The following CRIM1 variants were observed in gnomAD, a reference collection of about 807,000 sequenced individuals.
The protein encoded by CRIM1 is cysteine rich transmembrane BMP regulator 1.
A neutral mutation model predicts 116.4 loss-of-function variants in CRIM1; 32 were observed. The ratio of observed to expected loss-of-function variants is 0.27; its 90% CI spans 0.21 to 0.37. The LOEUF is 0.37. Among genes scored for constraint, CRIM1 ranks in the 10% least tolerant of loss-of-function variants. The pLI is 1.00. For missense variants in CRIM1, 1,331 were observed against 1,354.8 expected, an observed-to-expected ratio of 0.98 and a Z score of 0.28; for synonymous variants, 590 against 509.2, an observed-to-expected ratio of 1.16 and a Z score of -2.13.
At chr2:36,391,886 T>G (rs1037462467) in intron 1 of CRIM1, among the ~76,000 whole-genome samples, 24 of 152,156 alleles carry the variant, frequency 1.6e-4, no homozygotes, top group Non-Finnish European at 3.2e-4. Context: ...AGTTACTGTA[T>G]TCACCGTGTA....
At chr2:36,542,122 T>A (rs1666986529) in intron 14 of CRIM1, among the ~76,000 whole-genome samples, 1 of 152,106 alleles carries the variant, frequency 6.6e-6, no homozygotes, top group South Asian at 2.1e-4. Flanking sequence ...AGAGCTGAAC[T>A]GAGTGGTGGA....
chr2:36,461,780 T>A lies in CRIM1; in HGVS notation c.870-2754T>A, dbSNP rs535125596. 1.8e-4 allele frequency among the ~76,000 whole-genome samples: 28 copies of A among 152,350 alleles called. 2 individuals are homozygous for A. The South Asian group carries it at 4.1e-3, about 23-fold the overall frequency. ...AACATACCTGTTAAAAGATAACTCA[T>A]GTGAGTTGTATTATGTTGAAAATAA... On this transcript the variant is annotated intron_variant, in intron 4 of 16. Transcript: ENST00000280527.
At chr2:36,400,883 C>T (rs186574576) in intron 2 of CRIM1, among the ~76,000 whole-genome samples, 2 of 151,992 alleles carry the variant, frequency 1.3e-5, no homozygotes, top group African/African-American at 2.4e-5. Flanking sequence ...GACTTGCTCT[C>T]GAATCTCTTA....
intron 4 of CRIM1, among the ~76,000 whole-genome samples, chr2:36,460,193 CATTAT>C (rs1677471777): frequency 6.6e-6 from 1 of 151,960 alleles, no homozygotes; most frequent in South Asian, 2.1e-4. Flanking sequence ...CTCGATTGAT[CATTAT>C]ATTAACTCTA....
chr2:36,444,639 C>T, intron 4 of CRIM1, among the ~76,000 whole-genome samples: 1 of 152,238 alleles, frequency 6.6e-6, no homozygotes, highest in African/African-American at 2.4e-5. Flanking sequence ...AGTCATTCAA[C>T]ATCCCACTGT....
chr2:36,392,858 C>A (rs563705691), intron 1 of CRIM1, among the ~76,000 whole-genome samples: 19 of 152,204 alleles, frequency 1.2e-4, no homozygotes, highest in South Asian at 6.2e-4. Flanking sequence ...AAAGTGTCTA[C>A]GATGTTGTTA....
intron 5 of CRIM1, among the ~76,000 whole-genome samples, chr2:36,474,063 T>C (rs747898368): frequency 2.6e-5 from 4 of 152,318 alleles, no homozygotes; most frequent in Middle Eastern, 6.8e-3. Context: ...ATGGTGTTCA[T>C]TGCAGCTTAG....
At chr2:36,479,815 G>A in intron 7 of CRIM1, 121 bp downstream of exon 7, 1 of 930,514 alleles carries the variant, frequency 1.1e-6, no homozygotes, top group Non-Finnish European at 1.7e-6. Flanking sequence ...GCTGTTACCA[G>A]TTGCCAACAA....
intron 1 of CRIM1, among the ~76,000 whole-genome samples, chr2:36,380,725 C>CA (rs1670682179): frequency 6.6e-6 from 1 of 152,054 alleles, no homozygotes; most frequent in South Asian, 2.1e-4. Context: ...GTTCGTTAGC[C>CA]AAAAAATCAT....
intron 2 of CRIM1, among the ~76,000 whole-genome samples, chr2:36,402,807 C>T (rs1672517552): frequency 6.6e-6 from 1 of 151,256 alleles, no homozygotes; most frequent in Admixed American, 6.6e-5. Context: ...GAGTACTCTT[C>T]GATGTGGAGT....
At chr2:36,416,489 A>G (rs970640276) in intron 2 of CRIM1, among the ~76,000 whole-genome samples, 4 of 152,220 alleles carry the variant, frequency 2.6e-5, no homozygotes, top group Non-Finnish European at 4.4e-5. Context: ...ATCTGTAAGT[A>G]TAAAACACAT....
At chr2:36,393,755 C>T (rs1252970480) in intron 1 of CRIM1, among the ~76,000 whole-genome samples, 1 of 152,100 alleles carries the variant, frequency 6.6e-6, no homozygotes, top group East Asian at 1.9e-4. Flanking sequence ...TCCAGGTGGA[C>T]GACACTCCCG....
intron 4 of CRIM1, among the ~76,000 whole-genome samples, chr2:36,456,333 A>G (rs1046355851): frequency 1.3e-5 from 2 of 152,218 alleles, no homozygotes; most frequent in Non-Finnish European, 2.9e-5. Context: ...TTACGTGTTC[A>G]TAAACAAGCT....
At chr2:36,365,725 A>G (rs1314249257) in intron 1 of CRIM1, among the ~76,000 whole-genome samples, 2 of 148,478 alleles carry the variant, frequency 1.3e-5, no homozygotes, top group Non-Finnish European at 3.0e-5. Context: ...AGAACTATGA[A>G]CTATGTTTGT....
chr2:36,414,055 A>T (rs1185099354), intron 2 of CRIM1, among the ~76,000 whole-genome samples: 1 of 152,160 alleles, frequency 6.6e-6, no homozygotes, highest in Non-Finnish European at 1.5e-5. Flanking sequence ...TTCTCCTGAG[A>T]CTGAATAATA....
intron 4 of CRIM1, among the ~76,000 whole-genome samples, chr2:36,460,687 T>G (rs1677513561): frequency 6.6e-6 from 1 of 152,222 alleles, no homozygotes; most frequent in South Asian, 2.1e-4. Context: ...TGTTTTTGTT[T>G]TGTTGTGTTA....
intron 5 of CRIM1, among the ~76,000 whole-genome samples, chr2:36,475,511 A>T (rs376023425): frequency 1.3e-5 from 2 of 152,354 alleles, no homozygotes; most frequent in African/African-American, 4.8e-5. Flanking sequence ...ATACAAGATC[A>T]TGTCATCTGC....
intron 4 of CRIM1, among the ~76,000 whole-genome samples, chr2:36,448,214 A>G (rs200611455): frequency 1.3e-5 from 2 of 152,248 alleles, no homozygotes; most frequent in East Asian, 3.8e-4. Context: ...CAAAGCTTGC[A>G]AAGATGTTGA....
chr2:36,497,122 T>G (rs1680656808), intron 7 of CRIM1, among the ~76,000 whole-genome samples: 1 of 152,216 alleles, frequency 6.6e-6, no homozygotes, highest in African/African-American at 2.4e-5. Flanking sequence ...GGCAAAATTT[T>G]CTCATAAATT....
Sources: allele counts gnomAD v4.1 joint callset (sites outside exome capture counted in the v4.1 genomes callset), GRCh38; gene constraint gnomAD v4.1.1; transcripts MANE v1.5; gene names NCBI Gene and HGNC (gene_info 2026-07-23, HGNC 2026-07-21).